Variants in RREB1 observed in about 807,000 individuals in gnomAD.
The protein encoded by RREB1 is ras responsive element binding protein 1.
A neutral mutation model predicts 117.8 loss-of-function variants in RREB1; 27 were observed. The ratio of observed to expected loss-of-function variants is 0.23; its 90% CI spans 0.17 to 0.32. The LOEUF is 0.32. Ranked by LOEUF, RREB1 falls within the 10% of genes least tolerant of loss-of-function variation. The pLI, the probability that RREB1 is intolerant of heterozygous loss-of-function variation, is 1.00. For missense variants in RREB1, 2,577 were observed against 2,378.2 expected, an observed-to-expected ratio of 1.08 and a Z score of -1.74; for synonymous variants, 1,298 against 1,026.7, an observed-to-expected ratio of 1.26 and a Z score of -5.05.
chr6:7,242,231 A>G (rs1768751758), intron 11 of RREB1, among the ~76,000 whole-genome samples: 1 of 152,164 alleles, frequency 6.6e-6, no homozygotes, highest in Admixed American at 6.5e-5. Context: ...ATCATAAGGG[A>G]GGAACAAAGA....
chr6:7,131,375 G>A (rs1350430618), intron 1 of RREB1, among the ~76,000 whole-genome samples: 5 of 152,158 alleles, frequency 3.3e-5, no homozygotes, highest in Non-Finnish European at 7.3e-5. Flanking sequence ...CATTTGGGGA[G>A]GTTACCCTAA....
chr6:7,229,674 G>A lies in RREB1; in HGVS notation c.1575G>A (p.Pro525=), dbSNP rs747960823. Residue 525 remains proline, a synonymous_variant, in exon 10 of 13, where the codon CCG becomes CCA. Coordinates refer to ENST00000379938, the MANE Select transcript of RREB1 (RefSeq NM_001003699.4). The surrounding 1 kb of genome is among the most constrained non-coding windows in gnomAD (Gnocchi z 4.5). ...CGGTGGTGGCCACCTCCACGCCCCCGCCTCTCATCAACGCCCAGCAGGCTT... is the reference window on the plus strand; with the variant it reads ...CGGTGGTGGCCACCTCCACGCCCCCACCTCTCATCAACGCCCAGCAGGCTT... ...PRTVVATSTP[P]PLINAQQASP... 6.8e-6 allele frequency: 11 copies of A among 1,611,482 alleles called. No individual in the cohort carries two copies. Among genetic ancestry groups the A allele is most frequent in the African/African-American group, 1.3e-5 (1 of 74,892 alleles).
At chr6:7,166,744 G>C (rs1267601519) in intron 1 of RREB1, among the ~76,000 whole-genome samples, 1 of 152,152 alleles carries the variant, frequency 6.6e-6, no homozygotes, top group Non-Finnish European at 1.5e-5. Context: ...CTGAATTCTG[G>C]GAATTCGAAG....
Position 7,230,596 on chromosome 6 carries a change from C to T in RREB1, c.2497C>T (p.Pro833Ser). The T allele has an allele frequency of 6.9e-6, 11 of 1,603,584 alleles. No individual in the cohort carries two copies. Among genetic ancestry groups the T allele is most frequent in the Non-Finnish European group, 9.4e-6 (11 of 1,175,512 alleles). The change falls in exon 10 of 13, where the codon CCC becomes TCC. Residue 833 changes from proline (P) to serine (S), a missense_variant. By Grantham distance (74) the Pro-to-Ser change is moderately conservative. Transcript: ENST00000379938. The stretch of plus-strand genomic sequence containing the variant: ...CGTGCTGGCCGCCGACGGCCTGGGC[C>T]CCGCAGAGGCGCCGGCCGCTGAGGC... ...SYVLAADGLGPAEAPAAEASG... is the reference protein window; with the variant it reads ...SYVLAADGLGSAEAPAAEASG...
intron 8 of RREB1, chr6:7,215,819 C>T (rs564889278): frequency 1.3e-5 from 2 of 152,298 alleles, no homozygotes; most frequent in African/African-American, 4.8e-5. Context: ...TGTGACGTGA[C>T]CCCAGCCCGT....
At chr6:7,175,832 C>T (rs1470094520) in intron 1 of RREB1, among the ~76,000 whole-genome samples, 1 of 152,222 alleles carries the variant, frequency 6.6e-6, no homozygotes, top group Non-Finnish European at 1.5e-5. Context: ...TCCTATTTGA[C>T]GTGTGTTACC....
Position 7,207,488 on chromosome 6 carries a change from G to T in RREB1, c.426-3316G>T, listed in dbSNP as rs115208385. ...TGTGGTTTGATAGCAGTAAATGAAG[G>T]AATCGTGGGGATTGTGATTGACAAC... On this transcript the variant is annotated intron_variant, in intron 6 of 12. Coordinates refer to ENST00000379938, the MANE Select transcript of RREB1 (RefSeq NM_001003699.4). 6.0e-3 allele frequency among the ~76,000 whole-genome samples: 919 copies of T among 152,294 alleles called. 14 individuals are homozygous for T. Among genetic ancestry groups the T allele is most frequent in the African/African-American group, 0.021 (867 of 41,566 alleles).
Position 7,249,097 on chromosome 6 carries a change from G to GAT in RREB1, c.*130_*131insTA. ...AGAGAGAGAGAGAGAGAGAGAGAGAGAGAGAGACAAGCAGGAGCGTGGCTG... is the reference window on the plus strand; with the variant it reads ...AGAGAGAGAGAGAGAGAGAGAGAGAGATAGAGAGACAAGCAGGAGCGTGGCTG... On this transcript the variant is annotated 3_prime_UTR_variant, in exon 13 of 13. Coordinates refer to ENST00000379938, the MANE Select transcript of RREB1 (RefSeq NM_001003699.4). 1 of 670,830 alleles carries GAT rather than the reference G, an allele frequency of 1.5e-6. No individual in the cohort carries two copies. The highest frequency in any genetic ancestry group is 2.3e-6 in the Non-Finnish European group (1 of 426,096). 41.6% of individuals were successfully genotyped at this position (670,830 alleles called of 1,614,324 possible). A position where few individuals can be genotyped will look rare whatever the true frequency, so the allele number is the denominator to read the frequency against.
At chr6:7,138,981 C>G (rs1412721644) in intron 1 of RREB1, among the ~76,000 whole-genome samples, 1 of 152,150 alleles carries the variant, frequency 6.6e-6, no homozygotes, top group Non-Finnish European at 1.5e-5. Context: ...TGTATGGTTT[C>G]TAGCCAAAGG....
chr6:7,130,838 A>G (rs917544891), intron 1 of RREB1, among the ~76,000 whole-genome samples: 2 of 151,690 alleles, frequency 1.3e-5, no homozygotes, highest in Non-Finnish European at 2.9e-5. Context: ...GCTGGTCTCA[A>G]ACTTCTGACC....
intron 8 of RREB1, 84 bp downstream of exon 8, chr6:7,211,793 C>T (rs557036205): frequency 2.4e-5 from 34 of 1,406,602 alleles, no homozygotes; most frequent in East Asian, 9.4e-5. Context: ...TACTCCACAC[C>T]GGGCTCCAGT....
intron 8 of RREB1, chr6:7,215,891 G>GAGCC (rs1766871730): frequency 6.6e-6 from 1 of 152,220 alleles, no homozygotes; most frequent in Non-Finnish European, 1.5e-5. Flanking sequence ...GGTTTCAGAT[G>GAGCC]AGCCACCTAC....
chr6:7,128,534 G>A (rs180707825), intron 1 of RREB1, among the ~76,000 whole-genome samples: 30 of 152,298 alleles, frequency 2.0e-4, no homozygotes, highest in African/African-American at 6.7e-4. Flanking sequence ...GGAAACTGAG[G>A]CTTAGAGATG....
chr6:7,230,605 G>A lies in RREB1; in HGVS notation c.2506G>A (p.Ala836Thr). The change falls in exon 10 of 13, where the codon GCG (alanine) becomes ACG (threonine). Residue 836 changes from alanine to threonine, a missense_variant. Physicochemically the swap from Ala to Thr is moderately conservative, Grantham distance 58. Transcript: ENST00000379938. ...LAADGLGPAE[A>T]PAAEASGRGE... ...CGCCGACGGCCTGGGCCCCGCAGAG[G>A]CGCCGGCCGCTGAGGCGTCGGGGCG... 1 of 1,603,322 alleles carries A rather than the reference G, an allele frequency of 6.2e-7. No individual in the cohort carries two copies.
At chr6:7,207,745 G>T (rs975722821) in intron 6 of RREB1, among the ~76,000 whole-genome samples, 2 of 152,194 alleles carry the variant, frequency 1.3e-5, no homozygotes, top group African/African-American at 2.4e-5. Flanking sequence ...CAGAGCTTGA[G>T]GGGGGCTGTT....
At chr6:7,209,657 AT>A (rs1766473640) in intron 6 of RREB1, among the ~76,000 whole-genome samples, 1 of 146,492 alleles carries the variant, frequency 6.8e-6, no homozygotes, top group Admixed American at 7.1e-5. Flanking sequence ...GACTGCAGCC[AT>A]GACCTCTTGA....
At chr6:7,247,803 GCTTA>G (rs1344878158) in intron 12 of RREB1, among the ~76,000 whole-genome samples, 2 of 152,164 alleles carry the variant, frequency 1.3e-5, no homozygotes, top group Non-Finnish European at 2.9e-5. Context: ...GAGCAGGGGC[GCTTA>G]CTTTGACACA....
At position 7,158,010 on chromosome 6, in the gene RREB1, C is replaced by T. The variant is rs572866889; in HGVS notation, c.-284-18645C>T. On this transcript the variant is annotated intron_variant, in intron 1 of 12. Transcript: ENST00000379938. ...CTGCTTAGCCCTGAATATCATCAGC[C>T]GGCTCATGCCTGACTTCTCTGTGGA... Among the ~76,000 whole-genome samples the T allele has an allele frequency of 5.3e-5, 8 of 152,214 alleles. No homozygotes were observed. In the South Asian group the frequency reaches 1.2e-3, roughly 24 times the overall value.
chr6:7,150,937 G>A (rs923542426), intron 1 of RREB1, among the ~76,000 whole-genome samples: 2 of 152,232 alleles, frequency 1.3e-5, no homozygotes, highest in African/African-American at 2.4e-5. Context: ...TGCAGTGAGC[G>A]AAGCATCCAG....
Sources: gnomAD v4.1 joint callset for allele counts (sites outside exome capture counted in the v4.1 genomes callset) on GRCh38, gnomAD v4.1.1 for gene constraint, Gnocchi (gnomAD v3.1) non-coding constraint, MANE v1.5 for transcripts, NCBI Gene and HGNC (gene_info 2026-07-23, HGNC 2026-07-21) for gene names.